The following ST7 variants were observed in gnomAD, a reference collection of about 807,000 sequenced individuals.
The protein encoded by ST7 is suppression of tumorigenicity 7, also known as suppressor of tumorigenicity 7 protein.
A neutral mutation model predicts 78.7 loss-of-function variants in ST7; 28 were observed. The observed-to-expected ratio is 0.36, with a 90% CI of 0.26 to 0.49. The LOEUF (loss-of-function observed/expected upper bound fraction) is 0.49. ST7 is among the 20% of genes least tolerant of loss of function. ST7 has a pLI of 0.99. For synonymous variants in ST7, 247 were observed against 249.6 expected (o/e 0.99, Z 0.10); for missense variants, 418 against 696.0 (o/e 0.60, Z 4.49).
intron 9 of ST7, among the ~76,000 whole-genome samples, chr7:117,152,067 C>T (rs1323167379): frequency 2.7e-5 from 4 of 148,772 alleles, no homozygotes; most frequent in East Asian, 2.0e-4. Flanking sequence ...TGCAGTGAGC[C>T]GAGATCATGC....
chr7:117,018,705 G>T (rs1795734452), intron 1 of ST7, among the ~76,000 whole-genome samples: 2 of 152,104 alleles, frequency 1.3e-5, no homozygotes, highest in Non-Finnish European at 2.9e-5. Context: ...TGTCAAATGT[G>T]GATAAAAGTG....
chr7:117,122,398 A>G (rs1444688234), intron 3 of ST7, among the ~76,000 whole-genome samples: 2 of 152,192 alleles, frequency 1.3e-5, no homozygotes, highest in Non-Finnish European at 2.9e-5. Context: ...ATTATCATGG[A>G]AGAAATGAAT....
At chr7:117,030,804 A>G (rs982412760) in intron 1 of ST7, among the ~76,000 whole-genome samples, 17 of 152,336 alleles carry the variant, frequency 1.1e-4, no homozygotes, top group Admixed American at 4.6e-4. Flanking sequence ...CAAAAACAGG[A>G]TTAACATTCA....
chr7:117,145,025 C>T (rs530213244), intron 9 of ST7, among the ~76,000 whole-genome samples: 62 of 152,152 alleles, frequency 4.1e-4, no homozygotes, highest in Admixed American at 3.1e-3. Context: ...CGTGGTAAAA[C>T]CCCATCTCTA....
intron 9 of ST7, among the ~76,000 whole-genome samples, chr7:117,153,405 TAGTG>T (rs1806443215): frequency 6.6e-6 from 1 of 151,868 alleles, no homozygotes; most frequent in Non-Finnish European, 1.5e-5. Flanking sequence ...GTGATTTAGA[TAGTG>T]AGTGAAGATG....
chr7:117,150,396 C>T (rs913485770), intron 9 of ST7, among the ~76,000 whole-genome samples: 2 of 152,168 alleles, frequency 1.3e-5, no homozygotes, highest in Non-Finnish European at 2.9e-5. Flanking sequence ...TCCATCTTCT[C>T]TTGACTCTTC....
chr7:117,058,928 G>A (rs900896291), intron 1 of ST7, among the ~76,000 whole-genome samples: 16 of 152,314 alleles, frequency 1.1e-4, no homozygotes, highest in Admixed American at 2.6e-4. Flanking sequence ...TATATTAAGA[G>A]AAATAAGCCA....
At chr7:117,097,421 G>A (rs1392221345) in intron 1 of ST7, among the ~76,000 whole-genome samples, 2 of 151,766 alleles carry the variant, frequency 1.3e-5, no homozygotes, top group African/African-American at 4.8e-5. Context: ...CGCCTCCCGG[G>A]TTCAAACGAT....
intron 2 of ST7, among the ~76,000 whole-genome samples, chr7:117,110,333 C>T (rs1454113875): frequency 6.6e-6 from 1 of 152,158 alleles, no homozygotes; most frequent in African/African-American, 2.4e-5. Context: ...ATACATTCCT[C>T]CTCTCAGAGG....
chr7:116,998,994 G>A (rs1794803967), intron 1 of ST7, among the ~76,000 whole-genome samples: 1 of 152,200 alleles, frequency 6.6e-6, no homozygotes, highest in African/African-American at 2.4e-5. Flanking sequence ...CCTACTATGT[G>A]CTAGGCATTT....
intron 1 of ST7, among the ~76,000 whole-genome samples, chr7:116,960,193 TG>T (rs1792751363): frequency 6.6e-6 from 1 of 152,066 alleles, no homozygotes; most frequent in Non-Finnish European, 1.5e-5. Flanking sequence ...TTTTTTGTTT[TG>T]TTTTTTTGTT....
At chr7:117,162,353 T>A (rs956963789) in intron 9 of ST7, among the ~76,000 whole-genome samples, 6 of 152,028 alleles carry the variant, frequency 3.9e-5, no homozygotes, top group African/African-American at 1.4e-4. Context: ...ATAAAACTGC[T>A]TGATTTTTGT....
At chr7:116,997,206 G>GAGC (rs1279156685) in intron 1 of ST7, among the ~76,000 whole-genome samples, 1 of 152,148 alleles carries the variant, frequency 6.6e-6, no homozygotes, top group East Asian at 1.9e-4. Context: ...CCCAAAGAGT[G>GAGC]AGCAGCAGCA....
chr7:116,997,122 C>A (rs971707308), intron 1 of ST7, among the ~76,000 whole-genome samples: 3 of 152,148 alleles, frequency 2.0e-5, no homozygotes, highest in Non-Finnish European at 2.9e-5. Flanking sequence ...CTGGTGGGTT[C>A]ATGGTCTCGC....
At chr7:117,134,099 C>G (rs1804589322) in intron 6 of ST7, 25 bp from the exon 7 acceptor site, 1 of 1,609,540 alleles carries the variant, frequency 6.2e-7, no homozygotes, top group African/African-American at 1.3e-5. Context: ...TTCATTTTAC[C>G]AACTATTTTT....
intron 10 of ST7, among the ~76,000 whole-genome samples, chr7:117,175,882 G>T (rs559280638): frequency 7.9e-5 from 12 of 152,030 alleles, no homozygotes; most frequent in African/African-American, 2.4e-4. Flanking sequence ...ATAAAATGTC[G>T]CAATGAGAGA....
chr7:117,091,591 A>C (rs1420073392), intron 1 of ST7, among the ~76,000 whole-genome samples: 1 of 152,194 alleles, frequency 6.6e-6, no homozygotes, highest in African/African-American at 2.4e-5. Flanking sequence ...TCGGGAAAGA[A>C]ACGCTCGGGG....
chr7:116,960,861 C>G (rs1337414435), intron 1 of ST7, among the ~76,000 whole-genome samples: 1 of 152,078 alleles, frequency 6.6e-6, no homozygotes, highest in African/African-American at 2.4e-5. Context: ...ATTGTAGTTG[C>G]TTTTGGTGTC....
At chr7:116,976,442 G>A (rs1793710150) in intron 1 of ST7, among the ~76,000 whole-genome samples, 2 of 152,174 alleles carry the variant, frequency 1.3e-5, no homozygotes, top group Admixed American at 1.3e-4. Context: ...TTGGATTGAG[G>A]TTGGGTTCAG....
Sources: allele counts gnomAD v4.1 joint callset (sites outside exome capture counted in the v4.1 genomes callset), GRCh38; gene constraint gnomAD v4.1.1; transcripts MANE v1.5; gene names NCBI Gene and HGNC (gene_info 2026-07-23, HGNC 2026-07-21).